NRXN1: variants seen among roughly 807,000 people sequenced by gnomAD.
NRXN1 encodes neurexin-1.
Under a neutral mutation model 150.9 loss-of-function variants are expected in NRXN1, and 39 were observed. The observed-to-expected ratio is 0.26, with a 90% CI of 0.20 to 0.34. NRXN1 has a LOEUF of 0.34. Among genes scored for constraint, NRXN1 ranks in the 10% least tolerant of loss-of-function variants. The pLI is 1.00. For missense variants in NRXN1, 1,815 were observed against 1,949.9 expected (o/e 0.93, Z 1.30); for synonymous variants, 924 against 757.0 (o/e 1.22, Z -3.62).
At chr2:50,676,226 T>C (rs752675530) in intron 5 of NRXN1, among the ~76,000 whole-genome samples, 15 of 152,124 alleles carry the variant, frequency 9.9e-5, no homozygotes, top group Admixed American at 4.6e-4. Flanking sequence ...TCTGTCATGA[T>C]TGTAAGCTTC....
At chr2:50,693,063 T>A (rs1319628703) in intron 5 of NRXN1, among the ~76,000 whole-genome samples, 1 of 152,186 alleles carries the variant, frequency 6.6e-6, no homozygotes, top group African/African-American at 2.4e-5. Flanking sequence ...AGAAACTTAC[T>A]GTAAGCCCTA....
chr2:50,782,243 C>T (rs550505434), intron 5 of NRXN1, among the ~76,000 whole-genome samples: 5 of 151,940 alleles, frequency 3.3e-5, no homozygotes, highest in African/African-American at 9.7e-5. Flanking sequence ...CCGAGGAAGG[C>T]GGATCACTTG....
In NRXN1 at chr2:50,019,904, C is replaced by T. The variant is rs1486509125; in HGVS notation, c.4128+33367G>A. The stretch of plus-strand genomic sequence containing the variant: ...CGGAGCTTGCAGTGAGCCGAGATCG[C>T]GCCACTGCACTCCGGCCTGGGTGAC... On this transcript the variant is annotated intron_variant, in intron 21 of 22. Transcript: ENST00000401669. Among the ~76,000 whole-genome samples, 31 of 137,166 alleles carry T rather than the reference C, an allele frequency of 2.3e-4. 1 individual carries two copies. The highest frequency in any genetic ancestry group is 8.1e-4 in the African/African-American group (30 of 36,864). The allele number at this position is 137,166 out of a possible 152,430, so 90.0% of individuals were successfully genotyped here.
chr2:50,654,242 T>C (rs1448437075), intron 5 of NRXN1, among the ~76,000 whole-genome samples: 4 of 98,222 alleles, frequency 4.1e-5, no homozygotes, highest in Admixed American at 4.0e-4. Context: ...TGTGTTCTCA[T>C]TGTTCAATTC....
intron 5 of NRXN1, among the ~76,000 whole-genome samples, chr2:50,828,877 C>A (rs1266186861): frequency 6.6e-6 from 1 of 152,160 alleles, no homozygotes; most frequent in Non-Finnish European, 1.5e-5. Context: ...CCAAGGCAGG[C>A]GGCTGGGAGG....
Position 51,028,305 on chromosome 2 carries a change from G to A in NRXN1, c.-32C>T, listed in dbSNP as rs762370739. On this transcript the variant is annotated 5_prime_UTR_variant, in exon 2 of 23. Coordinates refer to ENST00000401669, the MANE Select transcript of NRXN1 (RefSeq NM_001330078.2). ...GGCTGGGGTGCGGCGGGGGGGTGCC[G>A]GGGCCGACAGGGTCAAAATGGTCCT... 3.6e-6 allele frequency: 5 copies of A among 1,377,480 alleles called. No individual in the cohort carries two copies. The African/African-American group carries it at 5.9e-5, about 16-fold the overall frequency. The allele number at this position is 1,377,480 out of a possible 1,614,324, so 85.3% of individuals were successfully genotyped here. A position where few individuals can be genotyped will look rare whatever the true frequency, so the allele number is the denominator to read the frequency against.
intron 12 of NRXN1, among the ~76,000 whole-genome samples, chr2:50,507,170 T>C (rs2092266482): frequency 1.3e-5 from 2 of 152,138 alleles, no homozygotes; most frequent in South Asian, 4.1e-4. Context: ...TCCGCTCTTA[T>C]ACCTGGTACC....
At position 50,679,556 on chromosome 2, in the gene NRXN1, G is replaced by C. The variant is rs184584033; in HGVS notation, c.833-55941C>G. Among the ~76,000 whole-genome samples the C allele has an allele frequency of 3.9e-5, 6 of 152,208 alleles. No individual in the cohort carries two copies. The East Asian group carries it at 1.2e-3, about 29-fold the overall frequency. ...ACACACCACATATTAAAATCAATGA[G>C]AGATGATCTGTGATTACTCACTATT... On this transcript the variant is annotated intron_variant, in intron 5 of 22. Transcript: ENST00000401669.
intron 18 of NRXN1, among the ~76,000 whole-genome samples, chr2:50,121,062 T>C (rs981765044): frequency 2.0e-5 from 3 of 152,234 alleles, no homozygotes; most frequent in Admixed American, 1.3e-4. Flanking sequence ...TCCTACTCTG[T>C]CACTGAGGCT....
chr2:50,224,693 A>AAGAGAGAGAGAGAGAGAGAGAGAG (rs201700032), intron 18 of NRXN1, among the ~76,000 whole-genome samples: 6 of 130,500 alleles, frequency 4.6e-5, no homozygotes, highest in Admixed American at 7.7e-5. Flanking sequence ...GAGAGGGAGA[A>AAGAGAGAGAGAGAGAGAGAGAGAG]AGAGAGAGAG....
Position 50,732,947 on chromosome 2 carries a change from G to C in NRXN1, c.833-109332C>G, listed in dbSNP as rs141724178. ...TTTTGTGATTCACACCCAATGATTT[G>C]TGTATTGTAACAACTAGCTCAGATT... On this transcript the variant is annotated intron_variant, in intron 5 of 22. Coordinates refer to ENST00000401669, the MANE Select transcript of NRXN1 (RefSeq NM_001330078.2). Among the ~76,000 whole-genome samples the C allele has an allele frequency of 2.5e-3, 379 of 152,234 alleles. 3 individuals are homozygous for C. Among genetic ancestry groups the C allele is most frequent in the Non-Finnish European group, 4.6e-3 (313 of 67,982 alleles).
At chr2:50,465,296 C>T (rs1004718210) in intron 17 of NRXN1, 146 bp downstream of exon 17, 1 of 654,068 alleles carries the variant, frequency 1.5e-6, no homozygotes, top group Non-Finnish European at 2.2e-6. Flanking sequence ...CAAAACTGTC[C>T]TTTCCGTAGA....
At position 50,236,709 on chromosome 2, in the gene NRXN1, C is replaced by G. The variant is rs1181441121; in HGVS notation, c.3546+80G>C. ...ACTGGTTTCTGGGGGAAGGAAGCAT[C>G]CAAGAAGCAAAATTATAAATTCTTT... On this transcript the variant is annotated intron_variant, in intron 18 of 22. Coordinates refer to ENST00000401669, the MANE Select transcript of NRXN1 (RefSeq NM_001330078.2). The G allele has an allele frequency of 8.7e-6, 12 of 1,376,076 alleles. No homozygotes were observed. In the African/African-American group the frequency reaches 1.4e-4, roughly 17 times the overall value. 85.2% of individuals were successfully genotyped at this position (1,376,076 alleles called of 1,614,324 possible). A position where few individuals can be genotyped will look rare whatever the true frequency, so the allele number is the denominator to read the frequency against.
chr2:50,790,768 C>T (rs1275075454), intron 5 of NRXN1, among the ~76,000 whole-genome samples: 1 of 152,110 alleles, frequency 6.6e-6, no homozygotes, highest in East Asian at 1.9e-4. Context: ...TGGGCATGAG[C>T]AGAAAAGATA....
chr2:50,816,364 C>T (rs1668936001), intron 5 of NRXN1, among the ~76,000 whole-genome samples: 1 of 151,972 alleles, frequency 6.6e-6, no homozygotes, highest in African/African-American at 2.4e-5. Context: ...AGCCAGGAGC[C>T]TTATGCTGAG....
intron 12 of NRXN1, among the ~76,000 whole-genome samples, chr2:50,526,176 G>C (rs1011473076): frequency 1.3e-5 from 2 of 152,132 alleles, no homozygotes; most frequent in Admixed American, 6.6e-5. Flanking sequence ...AAGTAGAAAA[G>C]TGTTTCTGGG....
chr2:50,783,913 T>C (rs1224769893), intron 5 of NRXN1, among the ~76,000 whole-genome samples: 1 of 152,138 alleles, frequency 6.6e-6, no homozygotes, highest in African/African-American at 2.4e-5. Flanking sequence ...CCTGCGCTTA[T>C]ACTTTGCCTA....
chr2:51,015,085 T>C (rs1355786375), intron 2 of NRXN1, among the ~76,000 whole-genome samples: 1 of 152,124 alleles, frequency 6.6e-6, no homozygotes, highest in African/African-American at 2.4e-5. Context: ...TCCTGTCTTC[T>C]ACTAACCAGA....
At chr2:50,691,587 T>C (rs1384106847) in intron 5 of NRXN1, among the ~76,000 whole-genome samples, 4 of 152,208 alleles carry the variant, frequency 2.6e-5, no homozygotes, top group African/African-American at 7.2e-5. Flanking sequence ...TGCTTTTCTA[T>C]TGTTTTACGA....
Sources: gnomAD v4.1 joint callset for allele counts (sites outside exome capture counted in the v4.1 genomes callset) on GRCh38, gnomAD v4.1.1 for gene constraint, MANE v1.5 for transcripts, NCBI Gene and HGNC (gene_info 2026-07-23, HGNC 2026-07-21) for gene names.